The following NABP2 variants were observed in gnomAD, a reference collection of about 807,000 sequenced individuals.
The protein encoded by NABP2 is nucleic acid binding protein 2.
Under a neutral mutation model 22.7 loss-of-function variants are expected in NABP2, and 7 were observed. The ratio of observed to expected loss-of-function variants is 0.31; its 90% confidence interval spans 0.18 to 0.58. The LOEUF is 0.58. NABP2 is among the 20% of genes least tolerant of loss of function. NABP2 has a pLI of 0.89. For synonymous variants in NABP2, 107 were observed against 99.2 expected, an observed-to-expected ratio of 1.08 and a Z score of -0.47; for missense variants, 188 against 265.9, an observed-to-expected ratio of 0.71 and a Z score of 2.04.
At chr12:56,226,664 C>CAAG (rs1415061524) in intron 6 of NABP2, among the ~76,000 whole-genome samples, 1 of 134,720 alleles carries the variant, frequency 7.4e-6, no homozygotes, top group African/African-American at 2.7e-5. Context: ...CTCCCAGGTT[C>CAAG]AAGTGATTCT....
intron 6 of NABP2, among the ~76,000 whole-genome samples, chr12:56,227,783 A>G (rs992407668): frequency 1.6e-4 from 25 of 152,222 alleles, no homozygotes; most frequent in African/African-American, 5.8e-4. Context: ...ACTACACTCC[A>G]GCCTGAGTGA....
At chr12:56,226,560 T>C (rs1592367755) in intron 6 of NABP2, 141 bp downstream of exon 6, 3 of 465,142 alleles carry the variant, frequency 6.4e-6, no homozygotes, top group Admixed American at 4.5e-5. Context: ...CAGACCCCTT[T>C]TTTTTTTTTT....
At chr12:56,227,365 C>T (rs1186126756) in intron 6 of NABP2, among the ~76,000 whole-genome samples, 1 of 144,978 alleles carries the variant, frequency 6.9e-6, no homozygotes, top group African/African-American at 2.7e-5. Context: ...GACAGTGAGA[C>T]TCTTTCTCAA....
At chr12:56,228,522 G>A (rs1869905609) in intron 6 of NABP2, among the ~76,000 whole-genome samples, 1 of 151,850 alleles carries the variant, frequency 6.6e-6, no homozygotes, top group African/African-American at 2.4e-5. Flanking sequence ...GAGTATCTGG[G>A]ATTACAGGCG....
At chr12:56,224,643 C>A in intron 1 of NABP2, 191 bp from the exon 2 acceptor site, 1 of 1,036,296 alleles carries the variant, frequency 9.6e-7, no homozygotes, top group Non-Finnish European at 1.3e-6. Flanking sequence ...CCAAAGCAGC[C>A]TGTCCAGAGA....
intron 6 of NABP2, among the ~76,000 whole-genome samples, chr12:56,227,856 A>T (rs1869845495): frequency 6.6e-6 from 1 of 152,096 alleles, no homozygotes; most frequent in Non-Finnish European, 1.5e-5. Context: ...ATACACAAAA[A>T]TGTGACTTGT....
chr12:56,226,765 C>T (rs1428861425), intron 6 of NABP2, among the ~76,000 whole-genome samples: 1 of 96,420 alleles, frequency 1.0e-5, no homozygotes, highest in Non-Finnish European at 2.2e-5. Flanking sequence ...TCTCTGTCAC[C>T]CAGGCTGGAG....
At position 56,229,095 on chromosome 12, in the gene NABP2, A is replaced by G; in HGVS notation, c.518A>G (p.His173Arg). 1 of 406,836 alleles carries G rather than the reference A, an allele frequency of 2.5e-6. No individual in the cohort carries two copies. Among genetic ancestry groups the G allele is most frequent in the Non-Finnish European group, 4.5e-6 (1 of 223,026 alleles). The allele number at this position is 406,836 out of a possible 1,614,324, so 25.2% of individuals were successfully genotyped here. A position where few individuals can be genotyped will look rare whatever the true frequency, so the allele number is the denominator to read the frequency against. ...GGPHPPHTPS[H>R]PPSTRITRSQ... ...CCACATCCCCCTCATACTCCCTCCC[A>G]CCCACCCAGCACCCGAATCACTCGA... Residue 173 changes from histidine to arginine, a missense_variant, in exon 7 of 7, where the codon CAC becomes CGC. Physicochemically the swap from His to Arg is conservative, Grantham distance 29. Transcript: ENST00000267023.
At position 56,229,318 on chromosome 12, in the gene NABP2, C is replaced by G; in HGVS notation, c.*105C>G. On this transcript the variant is annotated 3_prime_UTR_variant, in exon 7 of 7. Transcript: ENST00000267023. ...GTGTAGCAGTATTTTAGCCACTGAA[C>G]TTCAGTGGAGGGTGGTGAGCAGTGT... is the stretch of plus-strand genomic sequence containing the variant. 1 of 1,250,874 alleles carries G rather than the reference C, an allele frequency of 8.0e-7. No homozygotes were observed. The highest frequency in any genetic ancestry group is 1.1e-6 in the Non-Finnish European group (1 of 877,940). 77.5% of individuals were successfully genotyped at this position (1,250,874 alleles called of 1,614,324 possible).
At chr12:56,225,071 C>T in intron 2 of NABP2, 136 bp downstream of exon 2, 1 of 720,380 alleles carries the variant, frequency 1.4e-6, no homozygotes, top group East Asian at 2.7e-5. Context: ...TCTCTTCGAC[C>T]CTGGGACAGA....
intron 1 of NABP2, 44 bp from the exon 2 acceptor site, chr12:56,224,790 A>G (rs766933472): frequency 6.5e-7 from 1 of 1,540,884 alleles, no homozygotes; most frequent in Non-Finnish European, 8.9e-7. Context: ...GCATGGGGGC[A>G]AAGGATCCAA....
Position 56,225,358 on chromosome 12 carries a change from A to G in NABP2, c.80-15A>G. The G allele has an allele frequency of 6.2e-7, 1 of 1,614,046 alleles. No individual in the cohort carries two copies. Among genetic ancestry groups the G allele is most frequent in the South Asian group, 1.1e-5 (1 of 91,086 alleles). ...TTTGACCATCCTCCCACCTCGATTT[A>G]TCTGTTCCGTTCAGGCCGAGTGACC... On this transcript the variant is annotated splice_polypyrimidine_tract_variant and intron_variant, in intron 2 of 6. Transcript: ENST00000267023.
upstream of NABP2, among the ~76,000 whole-genome samples, chr12:56,222,804 A>G (rs1869558654): frequency 2.0e-5 from 3 of 152,242 alleles, no homozygotes; most frequent in South Asian, 6.2e-4. Flanking sequence ...ACATACACAC[A>G]TATCTTTATG....
chr12:56,224,734 C>A, intron 1 of NABP2, 100 bp from the exon 2 acceptor site: 1 of 1,117,838 alleles, frequency 8.9e-7, no homozygotes, highest in Non-Finnish European at 1.3e-6. Context: ...GGGGTTGAGG[C>A]TGCCTGACCC....
chr12:56,226,261 G>T lies in NABP2; in HGVS notation c.372+1G>T. The stretch of plus-strand genomic sequence containing the variant: ...CACCCAGCAGGCACCCAACAAGGCG[G>T]TGAGTCCTGTGGCCACAATGGTGGG... On this transcript the variant is annotated splice_donor_variant, in intron 5 of 6. Transcript: ENST00000267023. LOFTEE classifies it high-confidence loss of function. 6.2e-7 allele frequency: 1 copy of T among 1,614,162 alleles called. No homozygotes were observed. Among genetic ancestry groups the T allele is most frequent in the Non-Finnish European group, 8.5e-7 (1 of 1,180,026 alleles).
chr12:56,224,407 C>T lies in NABP2; in HGVS notation c.-58C>T. Reference sequence around the variant, plus strand: ...AGCCTGTGGCTCCCCCTGCGGGCTGCTCAGCGGCGTGCACAGTCCTGCCGG... The same window carrying T: ...AGCCTGTGGCTCCCCCTGCGGGCTGTTCAGCGGCGTGCACAGTCCTGCCGG... On this transcript the variant is annotated 5_prime_UTR_variant, in exon 1 of 7. Transcript: ENST00000267023. The T allele has an allele frequency of 3.0e-6, 3 of 997,922 alleles. No homozygotes were observed. Among genetic ancestry groups the T allele is most frequent in the Non-Finnish European group, 3.6e-6 (3 of 835,270 alleles). The allele number at this position is 997,922 out of a possible 1,614,324, so 61.8% of individuals were successfully genotyped here.
chr12:56,224,724 G>T, intron 1 of NABP2, 110 bp from the exon 2 acceptor site: 1 of 1,043,428 alleles, frequency 9.6e-7, no homozygotes, highest in Non-Finnish European at 1.4e-6. Flanking sequence ...AAGGGTTAGA[G>T]GGGTTGAGGC....
chr12:56,229,087 T>TTGCCGCCCCCC lies in NABP2; in HGVS notation c.510_511insTGCCGCCCCCC (p.Pro171CysfsTer66). On this transcript the variant is annotated frameshift_variant, in exon 7 of 7. Coordinates refer to ENST00000267023, the MANE Select transcript of NABP2 (RefSeq NM_024068.4). LOFTEE classifies it high-confidence loss of function. ...GTGGTGGCCCACATCCCCCTCATAC[T>TTGCCGCCCCCC]CCCTCCCACCCACCCAGCACCCGAA... The TTGCCGCCCCCC allele has an allele frequency of 8.6e-6, 13 of 1,512,324 alleles. No homozygotes were observed. Among genetic ancestry groups the TTGCCGCCCCCC allele is most frequent in the Non-Finnish European group, 1.2e-5 (13 of 1,101,994 alleles). The allele number at this position is 1,512,324 out of a possible 1,614,324, so 93.7% of individuals were successfully genotyped here. A position where few individuals can be genotyped will look rare whatever the true frequency, so the allele number is the denominator to read the frequency against.
Position 56,229,087 on chromosome 12 carries a change from T to TTGCCGCACC in NABP2, c.510_511insTGCCGCACC (p.Thr170_Pro171insCysArgThr). On this transcript the variant is annotated inframe_insertion, in exon 7 of 7. Coordinates refer to ENST00000267023, the MANE Select transcript of NABP2 (RefSeq NM_024068.4). ...GTGGTGGCCCACATCCCCCTCATAC[T>TTGCCGCACC]CCCTCCCACCCACCCAGCACCCGAA... The TTGCCGCACC allele has an allele frequency of 6.6e-7, 1 of 1,512,344 alleles. No homozygotes were observed. The highest frequency in any genetic ancestry group is 9.1e-7 in the Non-Finnish European group (1 of 1,102,012). 93.7% of individuals were successfully genotyped at this position (1,512,344 alleles called of 1,614,324 possible).
Sources: gnomAD v4.1 joint callset for allele counts (sites outside exome capture counted in the v4.1 genomes callset) on GRCh38, gnomAD v4.1.1 for gene constraint, MANE v1.5 for transcripts, NCBI Gene and HGNC (gene_info 2026-07-23, HGNC 2026-07-21) for gene names.